Variants in LRRTM4 observed in about 807,000 individuals in gnomAD.
LRRTM4 encodes the protein leucine-rich repeat transmembrane neuronal protein 4.
LRRTM4 carries 25 observed loss-of-function variants against 47.6 expected under a neutral mutation model. The ratio of observed to expected loss-of-function variants is 0.53; its 90% confidence interval spans 0.38 to 0.73. The LOEUF (loss-of-function observed/expected upper bound fraction) is 0.73, where lower values mean the gene tolerates loss of function less well. Ranked by LOEUF, LRRTM4 falls within the 30% of genes least tolerant of loss-of-function variation. The probability of loss-of-function intolerance (pLI) is 0.00; values close to 1 mark genes in which losing one functional copy is unlikely to be tolerated. For missense variants in LRRTM4, 638 were observed against 713.4 expected, an observed-to-expected ratio of 0.89 and a Z score of 1.20; for synonymous variants, 311 against 269.5, an observed-to-expected ratio of 1.15 and a Z score of -1.51.
rs574169413 is a variant in LRRTM4 at position 76,989,189 on chromosome 2, C to T, written c.1552-240273G>A. Among the ~76,000 whole-genome samples, 7 of 151,806 alleles carry T rather than the reference C, an allele frequency of 4.6e-5. No homozygotes were observed. The South Asian group carries it at 1.2e-3, about 27-fold the overall frequency. ...CAATTGTTGGTCTTGATCATAGATACCCCTGTCCCTGAATAAAGTGACTGA... is the reference window on the plus strand; with the variant it reads ...CAATTGTTGGTCTTGATCATAGATATCCCTGTCCCTGAATAAAGTGACTGA... On this transcript the variant is annotated intron_variant, in intron 3 of 3. Coordinates refer to ENST00000409884, the MANE Select transcript of LRRTM4 (RefSeq NM_001134745.3).
intron 3 of LRRTM4, among the ~76,000 whole-genome samples, chr2:77,390,544 C>T (rs2103813197): frequency 6.6e-6 from 1 of 151,978 alleles, no homozygotes; most frequent in South Asian, 2.1e-4. Context: ...TTAGACATAA[C>T]ATATGTGAAG....
chr2:77,518,266 T>A, intron 3 of LRRTM4, 52 bp downstream of exon 3: 2 of 1,485,638 alleles, frequency 1.3e-6, no homozygotes, highest in South Asian at 2.8e-5. Flanking sequence ...TTCAAACATT[T>A]ACCTCTCCTT....
At chr2:77,207,372 T>TATATATATATATATATATATACACACAC (rs59335400) in intron 3 of LRRTM4, among the ~76,000 whole-genome samples, 16 of 131,064 alleles carry the variant, frequency 1.2e-4, no homozygotes, top group South Asian at 5.0e-4. Context: ...TATATATATA[T>TATATATATATATATATATATACACACAC]ACACACACAC....
intron 3 of LRRTM4, among the ~76,000 whole-genome samples, chr2:77,373,222 T>C (rs190330190): frequency 6.6e-6 from 1 of 151,038 alleles, no homozygotes; most frequent in Admixed American, 6.6e-5. Context: ...ATAGGCAACT[T>C]GTAATAGGGA....
At chr2:77,365,067 T>G (rs991359866) in intron 3 of LRRTM4, among the ~76,000 whole-genome samples, 1 of 151,922 alleles carries the variant, frequency 6.6e-6, no homozygotes, top group Admixed American at 6.6e-5. Context: ...TGAACACTAA[T>G]GAGATATAAG....
chr2:76,773,917 T>C (rs1222130720), intron 3 of LRRTM4, among the ~76,000 whole-genome samples: 3 of 151,872 alleles, frequency 2.0e-5, no homozygotes, highest in African/African-American at 7.2e-5. Context: ...AATTCTTAAA[T>C]TCCGTTAATG....
chr2:76,776,092 A>AT (rs921380099), intron 3 of LRRTM4, among the ~76,000 whole-genome samples: 1 of 152,110 alleles, frequency 6.6e-6, no homozygotes, highest in Admixed American at 6.6e-5. Flanking sequence ...TGAACTCATC[A>AT]TTTTTTATGG....
intron 3 of LRRTM4, among the ~76,000 whole-genome samples, chr2:77,252,626 ATCCT>A (rs1192698100): frequency 1.3e-5 from 2 of 152,128 alleles, no homozygotes; most frequent in African/African-American, 2.4e-5. Context: ...CTTCAAGGTG[ATCCT>A]TCCAAAATTT....
At chr2:77,206,472 A>G (rs985143236) in intron 3 of LRRTM4, among the ~76,000 whole-genome samples, 1 of 151,926 alleles carries the variant, frequency 6.6e-6, no homozygotes, top group Non-Finnish European at 1.5e-5. Context: ...GATGTAAGCC[A>G]CCATGCTTTG....
rs10164575 is a variant in LRRTM4, at chr2:77,282,281, C to A, written c.1551+236037G>T. ...TAAAAATGCCACTTATTTGTGTATA[C>A]GCATTTTGTATCCTGAAACTTTACT... On this transcript the variant is annotated intron_variant, in intron 3 of 3. Coordinates refer to ENST00000409884, the MANE Select transcript of LRRTM4 (RefSeq NM_001134745.3). Among the ~76,000 whole-genome samples, 28 of 151,392 alleles carry A rather than the reference C, an allele frequency of 1.8e-4. 1 individual carries two copies. Among genetic ancestry groups the A allele is most frequent in the African/African-American group, 6.1e-4 (25 of 41,240 alleles).
chr2:77,448,373 T>C (rs909420928), intron 3 of LRRTM4, among the ~76,000 whole-genome samples: 6 of 152,210 alleles, frequency 3.9e-5, no homozygotes, highest in African/African-American at 1.4e-4. Context: ...ATGATATACA[T>C]AGTACCTTCC....
At chr2:77,270,492 C>T (rs1676162510) in intron 3 of LRRTM4, among the ~76,000 whole-genome samples, 1 of 152,128 alleles carries the variant, frequency 6.6e-6, no homozygotes, top group Non-Finnish European at 1.5e-5. Context: ...GTAAAAGGCG[C>T]TATGGAATTA....
chr2:77,078,385 CA>C (rs1558566644), intron 3 of LRRTM4, among the ~76,000 whole-genome samples: 1,971 of 98,554 alleles, frequency 0.02, 18 homozygotes, highest in Non-Finnish European at 0.02. Flanking sequence ...CACACCCACA[CA>C]CACACACACA....
intron 3 of LRRTM4, among the ~76,000 whole-genome samples, chr2:76,850,028 C>G (rs1342140221): frequency 6.6e-6 from 1 of 151,516 alleles, no homozygotes; most frequent in Non-Finnish European, 1.5e-5. Flanking sequence ...AGTGGCTTAT[C>G]ATTTGTTACT....
At chr2:76,896,321 G>A (rs1031859512) in intron 3 of LRRTM4, among the ~76,000 whole-genome samples, 34 of 151,976 alleles carry the variant, frequency 2.2e-4, no homozygotes, top group Non-Finnish European at 4.6e-4. Flanking sequence ...CTCAAACTGT[G>A]CAATCAGGGC....
At chr2:76,948,586 A>G (rs569855240) in intron 3 of LRRTM4, among the ~76,000 whole-genome samples, 1 of 151,932 alleles carries the variant, frequency 6.6e-6, no homozygotes, top group South Asian at 2.1e-4. Context: ...TTATATGGTA[A>G]CTTAATAACA....
rs1371779385 is a variant in LRRTM4, at chr2:77,117,717, G to A, written c.1552-368801C>T. On this transcript the variant is annotated intron_variant, in intron 3 of 3. Transcript: ENST00000409884. ...TAATTATATAAGAAATTCACAAATTGTATACACACAAATATATATGGACAG... is the reference window on the plus strand; with the variant it reads ...TAATTATATAAGAAATTCACAAATTATATACACACAAATATATATGGACAG... 2.0e-5 allele frequency among the ~76,000 whole-genome samples: 3 copies of A among 151,914 alleles called. No homozygotes were observed. The East Asian group carries it at 5.8e-4, about 29-fold the overall frequency.
At chr2:77,113,395 A>C (rs1366095481) in intron 3 of LRRTM4, among the ~76,000 whole-genome samples, 4 of 152,202 alleles carry the variant, frequency 2.6e-5, no homozygotes, top group African/African-American at 9.6e-5. Flanking sequence ...TCTTTTAAAA[A>C]GGTAAGATTG....
chr2:77,501,220 C>T (rs1678559627), intron 3 of LRRTM4, among the ~76,000 whole-genome samples: 1 of 150,464 alleles, frequency 6.6e-6, no homozygotes, highest in Non-Finnish European at 1.5e-5. Flanking sequence ...AATAATTAAA[C>T]ATAATTTAAT....
Sources: allele counts gnomAD v4.1 joint callset (sites outside exome capture counted in the v4.1 genomes callset), GRCh38; gene constraint gnomAD v4.1.1; transcripts MANE v1.5; gene names NCBI Gene and HGNC (gene_info 2026-07-23, HGNC 2026-07-21).